Variants in AK5 observed in about 807,000 individuals in gnomAD.
AK5 encodes adenylate kinase 5.
AK5 carries 27 observed loss-of-function variants against 69.5 expected under a neutral mutation model. That is an observed-to-expected ratio of 0.39 (90% CI 0.29 to 0.54). AK5 has a LOEUF of 0.54. Among genes scored for constraint, AK5 ranks in the 20% least tolerant of loss-of-function variants. AK5 has a pLI of 0.71. For synonymous variants in AK5, 260 were observed against 244.4 expected (o/e 1.06, Z -0.60); for missense variants, 531 against 700.4 (o/e 0.76, Z 2.73).
chr1:77,403,505 T>C (rs1028092276), intron 6 of AK5, among the ~76,000 whole-genome samples: 86 of 152,338 alleles, frequency 5.6e-4, no homozygotes, highest in African/African-American at 2.0e-3. Flanking sequence ...AGTTTCAGCT[T>C]TCTACATATG....
At chr1:77,425,092 G>T (rs771026569) in intron 8 of AK5, among the ~76,000 whole-genome samples, 9 of 152,166 alleles carry the variant, frequency 5.9e-5, no homozygotes, top group African/African-American at 1.4e-4. Flanking sequence ...AACTTTGCAT[G>T]CAGGAAGAAA....
intron 12 of AK5, among the ~76,000 whole-genome samples, chr1:77,524,033 A>G (rs1658140390): frequency 6.6e-6 from 1 of 151,964 alleles, no homozygotes; most frequent in Non-Finnish European, 1.5e-5. Flanking sequence ...ATCTCTGTGA[A>G]TTTCACTATT....
At chr1:77,310,529 G>A (rs1659888966) in intron 5 of AK5, among the ~76,000 whole-genome samples, 3 of 151,902 alleles carry the variant, frequency 2.0e-5, no homozygotes, top group South Asian at 2.1e-4. Context: ...ACAGGCACTC[G>A]CAACCACGCC....
intron 8 of AK5, among the ~76,000 whole-genome samples, chr1:77,472,203 A>T (rs1355182794): frequency 6.6e-6 from 1 of 152,234 alleles, no homozygotes; most frequent in Non-Finnish European, 1.5e-5. Flanking sequence ...TTAAAGGTAG[A>T]TGATCCCAGA....
intron 6 of AK5, among the ~76,000 whole-genome samples, chr1:77,402,345 G>T (rs1649274947): frequency 6.6e-6 from 1 of 151,940 alleles, no homozygotes; most frequent in Admixed American, 6.6e-5. Flanking sequence ...TGCACAACGT[G>T]CAGGTTTGTT....
chr1:77,473,275 T>C (rs1654634269), intron 8 of AK5, among the ~76,000 whole-genome samples: 2 of 151,704 alleles, frequency 1.3e-5, no homozygotes, highest in Non-Finnish European at 2.9e-5. Context: ...TGGAGTGCAG[T>C]GGTACGATCA....
At chr1:77,445,127 T>C (rs145838792) in intron 8 of AK5, among the ~76,000 whole-genome samples, 9 of 152,274 alleles carry the variant, frequency 5.9e-5, no homozygotes, top group Non-Finnish European at 1.0e-4. Flanking sequence ...CGGTGGTGAT[T>C]ACATTTCCTT....
intron 5 of AK5, among the ~76,000 whole-genome samples, chr1:77,302,385 CT>C (rs894467644): frequency 2.0e-5 from 3 of 152,084 alleles, no homozygotes; most frequent in African/African-American, 7.2e-5. Flanking sequence ...AAGCTGCTTT[CT>C]TTTTTATCTT....
chr1:77,294,042 T>A, intron 3 of AK5, 82 bp downstream of exon 3: 2 of 1,286,878 alleles, frequency 1.6e-6, no homozygotes, highest in East Asian at 5.1e-5. Flanking sequence ...AAATCATATA[T>A]GTGCAAATAG....
chr1:77,474,964 G>T (rs1215120569), intron 8 of AK5, among the ~76,000 whole-genome samples: 1 of 151,586 alleles, frequency 6.6e-6, no homozygotes, highest in Non-Finnish European at 1.5e-5. Context: ...ACCATGTCTA[G>T]CTATTTTTTT....
rs71244408 is a variant in AK5 at position 77,443,677 on chromosome 1, C to CTGTGTGTGTG, written c.1059+26000_1059+26009dup. 2.1e-3 allele frequency among the ~76,000 whole-genome samples: 286 copies of CTGTGTGTGTG among 134,114 alleles called. 2 individuals are homozygous for CTGTGTGTGTG. The highest frequency in any genetic ancestry group is 3.4e-3 in the South Asian group (13 of 3,796). 88.0% of individuals were successfully genotyped at this position (134,114 alleles called of 152,430 possible). A position where few individuals can be genotyped will look rare whatever the true frequency, so the allele number is the denominator to read the frequency against. ...CAGAACAGAGTTTACTGTGGGGAGT[C>CTGTGTGTGTG]TGTGTGTGTGTGTGTGTGTGTGTGT... On this transcript the variant is annotated intron_variant, in intron 8 of 13. Coordinates refer to ENST00000354567, the MANE Select transcript of AK5 (RefSeq NM_174858.3).
intron 11 of AK5, among the ~76,000 whole-genome samples, chr1:77,519,945 T>C (rs1307183369): frequency 6.6e-6 from 1 of 152,210 alleles, no homozygotes; most frequent in East Asian, 1.9e-4. Context: ...GGCTCATGCC[T>C]GTAATCCCAG....
intron 13 of AK5, among the ~76,000 whole-genome samples, chr1:77,537,114 A>C (rs1432122276): frequency 2.6e-5 from 4 of 152,164 alleles, no homozygotes; most frequent in African/African-American, 9.7e-5. Context: ...GTGATCACAC[A>C]ATGAGATCAA....
chr1:77,550,705 G>C (rs1659780816), intron 13 of AK5, among the ~76,000 whole-genome samples: 1 of 152,198 alleles, frequency 6.6e-6, no homozygotes, highest in Non-Finnish European at 1.5e-5. Flanking sequence ...TATACAAAAA[G>C]ATAAATGCCA....
intron 5 of AK5, among the ~76,000 whole-genome samples, chr1:77,302,400 G>A (rs1017836313): frequency 3.9e-5 from 6 of 152,028 alleles, no homozygotes; most frequent in Middle Eastern, 3.4e-3. Flanking sequence ...TTATCTTCCC[G>A]TTTTTCCTTT....
At chr1:77,502,663 C>T (rs990327500) in intron 10 of AK5, among the ~76,000 whole-genome samples, 1 of 152,160 alleles carries the variant, frequency 6.6e-6, no homozygotes, top group African/African-American at 2.4e-5. Context: ...TAGGACCATG[C>T]TCACCAAAAC....
At chr1:77,395,836 T>G (rs1648793672) in intron 6 of AK5, among the ~76,000 whole-genome samples, 1 of 152,188 alleles carries the variant, frequency 6.6e-6, no homozygotes. Context: ...AAGAGCATCG[T>G]CTATTTCTTC....
intron 12 of AK5, among the ~76,000 whole-genome samples, chr1:77,535,048 T>G (rs1294190078): frequency 6.6e-6 from 1 of 152,090 alleles, no homozygotes; most frequent in Non-Finnish European, 1.5e-5. Flanking sequence ...CCACATGGCC[T>G]CTCCACATGG....
intron 6 of AK5, among the ~76,000 whole-genome samples, chr1:77,365,859 C>A (rs1186290176): frequency 6.6e-6 from 1 of 152,160 alleles, no homozygotes; most frequent in East Asian, 1.9e-4. Flanking sequence ...TTTTGTAATT[C>A]TCTTTTATTT....
Sources: gnomAD v4.1 joint callset for allele counts (sites outside exome capture counted in the v4.1 genomes callset) on GRCh38, gnomAD v4.1.1 for gene constraint, MANE v1.5 for transcripts, NCBI Gene and HGNC (gene_info 2026-07-23, HGNC 2026-07-21) for gene names.